The following ZNF142 variants were observed in gnomAD, a reference collection of about 807,000 sequenced individuals.
The protein encoded by ZNF142 is zinc finger protein 142 (clone pHZ-49).
In ZNF142, 96 loss-of-function variants were observed where a neutral mutation model predicts 132.1. The observed-to-expected ratio is 0.73, with a 90% CI of 0.62 to 0.86. The LOEUF (loss-of-function observed/expected upper bound fraction) is 0.86. Among genes scored for constraint, ZNF142 ranks in the 40% least tolerant of loss-of-function variants. ZNF142 has a pLI of 0.00. For synonymous variants in ZNF142, 842 were observed against 890.1 expected (o/e 0.95, Z 0.96); for missense variants, 2,163 against 2,336.2 (o/e 0.93, Z 1.53).
rs961456085 is a variant in ZNF142, at chr2:218,651,843, C to T, written c.738G>A (p.Ala246=). 2.3e-5 allele frequency: 30 copies of T among 1,289,874 alleles called. No homozygotes were observed. Among genetic ancestry groups the T allele is most frequent in the African/African-American group, 1.8e-4 (12 of 66,012 alleles). 79.9% of individuals were successfully genotyped at this position (1,289,874 alleles called of 1,614,324 possible). A position where few individuals can be genotyped will look rare whatever the true frequency, so the allele number is the denominator to read the frequency against. The change falls in exon 5 of 11, where the codon GCG becomes GCA. Residue 246 remains alanine (A), a synonymous_variant. Transcript: ENST00000411696. ...AGTGGCTGCAGTGGAAAGGGTAATGCGCCTGCCGGTGCAGCTCCATGCCCT... is the reference window on the plus strand; with the variant it reads ...AGTGGCTGCAGTGGAAAGGGTAATGTGCCTGCCGGTGCAGCTCCATGCCCT... ...SQQGMELHRQ[A]HYPFHCSHCS... is the part of the protein sequence containing the mutation.
intron 6 of ZNF142, 140 bp downstream of exon 6, chr2:218,650,219 T>C (rs1937850209): frequency 2.9e-6 from 3 of 1,023,242 alleles, no homozygotes; most frequent in Middle Eastern, 3.2e-4. Flanking sequence ...CCACTAGACC[T>C]TGACTTTTGA....
chr2:218,633,876 G>T lies in ZNF142; in HGVS notation c.*4463C>A. Reference sequence around the variant, plus strand: ...AAGGTAGCTAAGGAGAGATGAAGGAGTTCAGAAACTCCTTAGAGCAGACAA... The same window carrying T: ...AAGGTAGCTAAGGAGAGATGAAGGATTTCAGAAACTCCTTAGAGCAGACAA... On this transcript the variant is annotated 3_prime_UTR_variant, in exon 11 of 11. Transcript: ENST00000411696. 1.8e-6 allele frequency: 2 copies of T among 1,121,254 alleles called. No individual in the cohort carries two copies. Among genetic ancestry groups the T allele is most frequent in the Admixed American group, 4.1e-5 (2 of 48,862 alleles). The allele number at this position is 1,121,254 out of a possible 1,614,324, so 69.5% of individuals were successfully genotyped here.
In ZNF142 at chr2:218,633,968, G is replaced by A; in HGVS notation, c.*4371C>T. The A allele has an allele frequency of 7.7e-7, 1 of 1,293,098 alleles. No individual in the cohort carries two copies. Among genetic ancestry groups the A allele is most frequent in the Non-Finnish European group, 1.1e-6 (1 of 935,376 alleles). 80.1% of individuals were successfully genotyped at this position (1,293,098 alleles called of 1,614,324 possible). A position where few individuals can be genotyped will look rare whatever the true frequency, so the allele number is the denominator to read the frequency against. On this transcript the variant is annotated 3_prime_UTR_variant, in exon 11 of 11. Coordinates refer to ENST00000411696, the MANE Select transcript of ZNF142 (RefSeq NM_001379659.1). ...AGGAAAGCTGGTCTGGATGGACAGAGTAGAGAGGCACAGTGAAACTTTCTG... is the reference window on the plus strand; with the variant it reads ...AGGAAAGCTGGTCTGGATGGACAGAATAGAGAGGCACAGTGAAACTTTCTG...
At chr2:218,639,830 C>A (rs1164362117) in intron 10 of ZNF142, among the ~76,000 whole-genome samples, 3 of 148,478 alleles carry the variant, frequency 2.0e-5, no homozygotes, top group African/African-American at 7.4e-5. Context: ...CCGAGGCGGG[C>A]GGATCATGAG....
rs1449520130 is a variant in ZNF142, at chr2:218,644,192, G to A, written c.2924C>T (p.Ala975Val). 6.2e-7 allele frequency: 1 copy of A among 1,614,146 alleles called. No homozygotes were observed. Residue 975 changes from alanine (A) to valine (V), a missense_variant, in exon 9 of 11, where the codon GCT becomes GTT. Physicochemically the swap from Ala to Val is moderately conservative, Grantham distance 64 (BLOSUM62 0). This residue lies in a region of ZNF142 where 809 missense variants were observed against 801.7 expected (regional missense o/e 1.01). Transcript: ENST00000411696. The surrounding 1 kb of genome is among the most constrained non-coding windows in gnomAD (Gnocchi z 4.6). ...PSTNPPSLEE[A>V]PNNWVGTFKT... ...GAAGGTTCCTACCCAGTTGTTAGGA[G>A]CCTCCTCTAAGGATGGAGGATTTGT...
chr2:218,642,000 C>G lies in ZNF142; in HGVS notation c.5088+28G>C, dbSNP rs1697230577. 7 of 1,600,676 alleles carry G rather than the reference C, an allele frequency of 4.4e-6. No homozygotes were observed. In the South Asian group the frequency reaches 6.7e-5, roughly 15 times the overall value. ...AACTCCAGAGCCTGTGCTCCTTCCA[C>G]TTCCTGCCCCATATCCTCTGACATT... On this transcript the variant is annotated intron_variant, in intron 9 of 10. Coordinates refer to ENST00000411696, the MANE Select transcript of ZNF142 (RefSeq NM_001379659.1).
rs753968414 is a variant in ZNF142, at chr2:218,642,649, G to C, written c.4467C>G (p.Ser1489=). 6 of 1,613,992 alleles carry C rather than the reference G, an allele frequency of 3.7e-6. No individual in the cohort carries two copies. The highest frequency in any genetic ancestry group is 5.1e-6 in the Non-Finnish European group (6 of 1,180,050). ...CTGAGCTGAACTGGGCTTCACACTG[G>C]GAGCAGGCAAAGGCTGGGGTGCCTT... The part of the protein sequence containing the change: ...CHQGTPAFAC[S]QCEAQFSSET... The change falls in exon 9 of 11, where the codon TCC becomes TCG. Residue 1489 remains serine (S), a synonymous_variant. Transcript: ENST00000411696. The surrounding 1 kb of genome is among the most constrained non-coding windows in gnomAD (Gnocchi z 4.6).
chr2:218,646,186 T>A lies in ZNF142; in HGVS notation c.2036A>T (p.His679Leu). 6.2e-7 allele frequency: 1 copy of A among 1,613,746 alleles called. No individual in the cohort carries two copies. The highest frequency in any genetic ancestry group is 8.5e-7 in the Non-Finnish European group (1 of 1,179,976). Reference protein sequence around the residue: ...KHYLRVHMRKHAGDLRYQCNQ... With the variant: ...KHYLRVHMRKLAGDLRYQCNQ... ...TGTGTTGTACCTGAGGTCCCCTGCATGTTTTCGCATGTGCACACGGAGGTA... is the reference window on the plus strand; with the variant it reads ...TGTGTTGTACCTGAGGTCCCCTGCAAGTTTTCGCATGTGCACACGGAGGTA... The change falls in exon 8 of 11, where the codon CAT (histidine) becomes CTT (leucine). Residue 679 changes from histidine to leucine, a missense_variant. This residue lies in a region of ZNF142 where 749 missense variants were observed against 830.3 expected (regional missense o/e 0.90). Coordinates refer to ENST00000411696, the MANE Select transcript of ZNF142 (RefSeq NM_001379659.1).
At position 218,636,646 on chromosome 2, in the gene ZNF142, G is replaced by A. The variant is rs1027531894; in HGVS notation, c.*1693C>T. 4.7e-6 allele frequency: 7 copies of A among 1,481,060 alleles called. No individual in the cohort carries two copies. Among genetic ancestry groups the A allele is most frequent in the Non-Finnish European group, 5.6e-6 (6 of 1,075,720 alleles). 91.7% of individuals were successfully genotyped at this position (1,481,060 alleles called of 1,614,324 possible). On this transcript the variant is annotated 3_prime_UTR_variant, in exon 11 of 11. Coordinates refer to ENST00000411696, the MANE Select transcript of ZNF142 (RefSeq NM_001379659.1). ...GGGAGAAACATCTGGAAGGATGCTC[G>A]AGAGAACAAATGGAGGTGGTGAAAA...
At position 218,652,211 on chromosome 2, in the gene ZNF142, T is replaced by C. The variant is rs760923093; in HGVS notation, c.370A>G (p.Ser124Gly). 15 of 456,668 alleles carry C rather than the reference T, an allele frequency of 3.3e-5. No individual in the cohort carries two copies. Among genetic ancestry groups the C allele is most frequent in the Middle Eastern group, 3.2e-4 (1 of 3,096 alleles). The allele number at this position is 456,668 out of a possible 1,614,324, so 28.3% of individuals were successfully genotyped here. ...EPTLLALHQC[S>G]ETHIQPVQGL... The stretch of plus-strand genomic sequence containing the variant: ...TGCACAGGCTGTATATGGGTCTCAC[T>C]GCACTGGTGCAGGGCCAGCAGAGTG... Residue 124 changes from serine to glycine, a missense_variant, in exon 5 of 11, where the codon AGT becomes GGT. Around this residue, in one of 7 missense-constraint regions of ZNF142, gnomAD observed 195 missense variants for 172.4 expected, o/e 1.13. Coordinates refer to ENST00000411696, the MANE Select transcript of ZNF142 (RefSeq NM_001379659.1).
At chr2:218,658,234 A>G (rs1938773381) in intron 3 of ZNF142, among the ~76,000 whole-genome samples, 1 of 152,166 alleles carries the variant, frequency 6.6e-6, no homozygotes, top group Admixed American at 6.5e-5. Flanking sequence ...CAAGATGCAA[A>G]AAGAAAAAAA....
Position 218,643,528 on chromosome 2 carries a change from A to AG in ZNF142, c.3587dup (p.Lys1197Ter), listed in dbSNP as rs1416424245. ...GGACTGGGTCAAGGTGGTGCTTCTT[A>AG]GGGGCCTCCGTGGGTGAGGAGTTTC... On this transcript the variant is annotated frameshift_variant, in exon 9 of 11. Coordinates refer to ENST00000411696, the MANE Select transcript of ZNF142 (RefSeq NM_001379659.1). LOFTEE classifies it high-confidence loss of function. 6.2e-7 allele frequency: 1 copy of AG among 1,610,096 alleles called. No individual in the cohort carries two copies. Among genetic ancestry groups the AG allele is most frequent in the Admixed American group, 1.7e-5 (1 of 59,846 alleles).
chr2:218,643,140 C>G lies in ZNF142; in HGVS notation c.3976G>C (p.Gly1326Arg), dbSNP rs1305587000. ...TCTCCAGACTCCTCGAGGGGGCAGC[C>G]CCGGATCTGGTGAGTCCTCAGAGCC... ...ERALRTHQIR[G>R]CPLEESGELH... The change falls in exon 9 of 11, where the codon GGC becomes CGC. Residue 1326 changes from glycine (G) to arginine (R), a missense_variant. Around this residue, in one of 7 missense-constraint regions of ZNF142, gnomAD observed 809 missense variants for 801.7 expected, o/e 1.01. Coordinates refer to ENST00000411696, the MANE Select transcript of ZNF142 (RefSeq NM_001379659.1). 1 of 1,613,988 alleles carries G rather than the reference C, an allele frequency of 6.2e-7. No individual in the cohort carries two copies. The highest frequency in any genetic ancestry group is 8.5e-7 in the Non-Finnish European group (1 of 1,180,008).
In ZNF142 at chr2:218,636,935, C is replaced by G. The variant is rs1311929219; in HGVS notation, c.*1404G>C. ...TGAAGGCAGGTTGCAACTAGAAATT[C>G]AGAGGGGCTTGGAATAGAGAAACCT... On this transcript the variant is annotated 3_prime_UTR_variant, in exon 11 of 11. Transcript: ENST00000411696. 2.2e-6 allele frequency: 1 copy of G among 461,362 alleles called. No homozygotes were observed. Among genetic ancestry groups the G allele is most frequent in the African/African-American group, 2.0e-5 (1 of 50,418 alleles). 28.6% of individuals were successfully genotyped at this position (461,362 alleles called of 1,614,324 possible).
intron 2 of ZNF142, 36 bp downstream of exon 2, chr2:218,658,944 G>A (rs1315605230): frequency 6.6e-6 from 1 of 152,308 alleles, no homozygotes; most frequent in African/African-American, 2.4e-5. Context: ...CCGGCCTAGC[G>A]ACCCAGGTTC....
At chr2:218,650,618 C>G in intron 5 of ZNF142, 92 bp from the exon 6 acceptor site, 3 of 1,255,996 alleles carry the variant, frequency 2.4e-6, no homozygotes, top group Non-Finnish European at 3.2e-6. Flanking sequence ...AATAATCACC[C>G]TCTCCCACTT....
Position 218,638,356 on chromosome 2 carries a change from T to C in ZNF142, c.5647A>G (p.Thr1883Ala). 1.3e-6 allele frequency: 2 copies of C among 1,520,248 alleles called. No individual in the cohort carries two copies. Among genetic ancestry groups the C allele is most frequent in the South Asian group, 1.3e-5 (1 of 76,006 alleles). The allele number at this position is 1,520,248 out of a possible 1,614,324, so 94.2% of individuals were successfully genotyped here. The stretch of plus-strand genomic sequence containing the variant: ...GCAGGCTTTCAGCCCTCAGGTCCAG[T>C]GTGGGGAGCGGCAGGAGCAGGAGGG... The part of the protein sequence containing the change: ...PSPPAPAAPH[T>A]GPEG Residue 1883 changes from threonine to alanine, a missense_variant, in exon 11 of 11, where the codon ACT (threonine) becomes GCT (alanine). Thr to Ala is a moderately conservative substitution (Grantham distance 58, BLOSUM62 0). Coordinates refer to ENST00000411696, the MANE Select transcript of ZNF142 (RefSeq NM_001379659.1).
rs746779277 is a variant in ZNF142, at chr2:218,642,663, C to A, written c.4453G>T (p.Ala1485Ser). 7 of 1,614,094 alleles carry A rather than the reference C, an allele frequency of 4.3e-6. No homozygotes were observed. In the South Asian group the frequency reaches 7.7e-5, roughly 18 times the overall value. The change falls in exon 9 of 11, where the codon GCC becomes TCC. Residue 1485 changes from alanine to serine, a missense_variant. By Grantham distance (99) the Ala-to-Ser change is moderately conservative. Transcript: ENST00000411696. The surrounding 1 kb of genome is among the most constrained non-coding windows in gnomAD (Gnocchi z 4.6). ...GCTTCACACTGGGAGCAGGCAAAGG[C>A]TGGGGTGCCTTGGTGGCAGCTGTTG... ...HVNSCHQGTP[A>S]FACSQCEAQF...
chr2:218,642,354 CAA>C lies in ZNF142; in HGVS notation c.4760_4761del (p.Phe1587CysfsTer17). 6.2e-7 allele frequency: 1 copy of C among 1,613,406 alleles called. No homozygotes were observed. The highest frequency in any genetic ancestry group is 2.2e-5 in the East Asian group (1 of 44,888). ...HFSHRCQLCD[F>X]AARERVGLVK... Reference sequence around the variant, plus strand: ...ACCAGGCCCACCCGCTCCCGGGCAGCAAAGTCACAGAGCTGACAGCGGTGGCT... The same window carrying C: ...ACCAGGCCCACCCGCTCCCGGGCAGCAGTCACAGAGCTGACAGCGGTGGCT... On this transcript the variant is annotated frameshift_variant, in exon 9 of 11. Transcript: ENST00000411696. LOFTEE classifies it high-confidence loss of function. This position sits in a 1 kb window ranked among gnomAD's most constrained non-coding sequence, Gnocchi z 4.6.
Sources: gnomAD v4.1 joint callset for allele counts (sites outside exome capture counted in the v4.1 genomes callset) on GRCh38, gnomAD v4.1.1 for gene constraint, gnomAD v4.1.1 regional missense constraint, Gnocchi (gnomAD v3.1) non-coding constraint, MANE v1.5 for transcripts, NCBI Gene and HGNC (gene_info 2026-07-23, HGNC 2026-07-21) for gene names.